The following SLC9A9 variants were observed in gnomAD, a reference collection of about 807,000 sequenced individuals.
SLC9A9 encodes the protein solute carrier family 9 member A9.
A neutral mutation model predicts 77.8 loss-of-function variants in SLC9A9; 62 were observed. The observed-to-expected ratio is 0.80, with a 90% CI of 0.65 to 0.98. SLC9A9 has a LOEUF of 0.98. Among genes scored for constraint, SLC9A9 ranks in the 50% least tolerant of loss-of-function variants. The pLI is 0.00. For missense variants in SLC9A9, 775 were observed against 774.9 expected (o/e 1.00, Z 0.00); for synonymous variants, 320 against 283.5 (o/e 1.13, Z -1.29).
intron 11 of SLC9A9, among the ~76,000 whole-genome samples, chr3:143,484,159 C>T (rs1040406146): frequency 6.6e-6 from 1 of 152,136 alleles, no homozygotes. Context: ...CAGAGGGCTA[C>T]TAAAGTCATT....
In SLC9A9 at chr3:143,324,816, G is replaced by GT. The variant is rs996128904; in HGVS notation, c.1604+38667dup. Among the ~76,000 whole-genome samples, 20 of 152,146 alleles carry GT rather than the reference G, an allele frequency of 1.3e-4. 2 individuals carry two copies. The highest frequency in any genetic ancestry group is 3.4e-3 in the Middle Eastern group (1 of 294). On this transcript the variant is annotated intron_variant, in intron 14 of 15. Transcript: ENST00000316549. Reference sequence around the variant, plus strand: ...CAGCCTGGGCGATAGAGGAAACCCTGTTTTTTAAAAAAACAGTAGCTTATT... The same window carrying GT: ...CAGCCTGGGCGATAGAGGAAACCCTGTTTTTTTAAAAAAACAGTAGCTTATT...
At chr3:143,497,980 T>C (rs1041498986) in intron 9 of SLC9A9, among the ~76,000 whole-genome samples, 6 of 152,182 alleles carry the variant, frequency 3.9e-5, no homozygotes, top group Non-Finnish European at 5.9e-5. Context: ...TATTTGTTAT[T>C]GAGATGTGAT....
In SLC9A9 at chr3:143,271,125, A is replaced by G. The variant is rs528363537; in HGVS notation, c.1605-2145T>C. On this transcript the variant is annotated intron_variant, in intron 14 of 15. Coordinates refer to ENST00000316549, the MANE Select transcript of SLC9A9 (RefSeq NM_173653.4). ...ATTGTGGTTATCAGATCGAAAAAGC[A>G]TAGTGTATACAGAGTTTAGCATATG... is the stretch of plus-strand genomic sequence containing the variant. 1.0e-4 allele frequency among the ~76,000 whole-genome samples: 15 copies of G among 143,606 alleles called. No homozygotes were observed. In the East Asian group the frequency reaches 1.7e-3, roughly 17 times the overall value. 94.2% of individuals were successfully genotyped at this position (143,606 alleles called of 152,430 possible).
intron 14 of SLC9A9, among the ~76,000 whole-genome samples, chr3:143,346,585 C>T (rs1049840423): frequency 2.0e-5 from 3 of 151,996 alleles, no homozygotes; most frequent in Non-Finnish European, 2.9e-5. Flanking sequence ...GTCAGGAGTT[C>T]GAGACCAGCT....
intron 5 of SLC9A9, 132 bp from the exon 6 acceptor site, chr3:143,652,492 C>A (rs781607507): frequency 1.7e-5 from 12 of 727,168 alleles, no homozygotes; most frequent in Non-Finnish European, 2.9e-5. Context: ...TAACACCAGA[C>A]CTTTATTCAA....
At chr3:143,496,476 C>T (rs1447685922) in intron 9 of SLC9A9, among the ~76,000 whole-genome samples, 1 of 152,156 alleles carries the variant, frequency 6.6e-6, no homozygotes, top group East Asian at 1.9e-4. Flanking sequence ...AAATAATGCC[C>T]AATACTGTTC....
chr3:143,610,942 C>T (rs60752479), intron 6 of SLC9A9, among the ~76,000 whole-genome samples: 20,776 of 151,920 alleles, frequency 0.14, 1,536 homozygotes, highest in African/African-American at 0.16. Flanking sequence ...TCAGTCTGGG[C>T]TTTCTACAGA....
intron 12 of SLC9A9, among the ~76,000 whole-genome samples, chr3:143,419,469 T>C (rs570692509): frequency 1.3e-5 from 2 of 152,294 alleles, no homozygotes; most frequent in South Asian, 4.1e-4. Flanking sequence ...AAATATTAAC[T>C]TCCTAGAAAA....
intron 12 of SLC9A9, among the ~76,000 whole-genome samples, chr3:143,442,988 C>T (rs1378871798): frequency 6.6e-6 from 1 of 152,154 alleles, no homozygotes; most frequent in Non-Finnish European, 1.5e-5. Context: ...GTTTCTAGTA[C>T]TTAAGCATGA....
At chr3:143,504,255 C>G (rs187751011) in intron 9 of SLC9A9, 5 of 244,408 alleles carry the variant, frequency 2.0e-5, no homozygotes, top group Non-Finnish European at 2.4e-5. Flanking sequence ...TCATTTACTC[C>G]GGCCTTCACC....
intron 5 of SLC9A9, among the ~76,000 whole-genome samples, chr3:143,657,602 TC>T (rs1282964721): frequency 6.6e-6 from 1 of 152,216 alleles, no homozygotes; most frequent in African/African-American, 2.4e-5. Flanking sequence ...AGTGGAATTT[TC>T]CAGAGGCTAC....
chr3:143,620,232 A>T (rs1370105246), intron 6 of SLC9A9, among the ~76,000 whole-genome samples: 1 of 152,094 alleles, frequency 6.6e-6, no homozygotes, highest in Non-Finnish European at 1.5e-5. Context: ...AAACTCCTCC[A>T]CTTTCTAGCT....
In SLC9A9 at chr3:143,795,091, A is replaced by C. The variant is rs2008340782; in HGVS notation, c.457-14T>G. The C allele has an allele frequency of 3.1e-6, 5 of 1,606,432 alleles. No homozygotes were observed. The East Asian group carries it at 1.1e-4, about 36-fold the overall frequency. Reference sequence around the variant, plus strand: ...AAAAAAGTGTCTCTGGGGAGAAAAAAAGATATTTAATAGAGTACATCAGAA... The same window carrying C: ...AAAAAAGTGTCTCTGGGGAGAAAAACAGATATTTAATAGAGTACATCAGAA... On this transcript the variant is annotated splice_polypyrimidine_tract_variant and intron_variant, in intron 3 of 15. Transcript: ENST00000316549.
intron 12 of SLC9A9, among the ~76,000 whole-genome samples, chr3:143,392,601 C>T (rs975603471): frequency 1.3e-5 from 2 of 152,148 alleles, no homozygotes; most frequent in Admixed American, 6.5e-5. Flanking sequence ...CACATAACAA[C>T]ATTAACCTTA....
At chr3:143,767,204 T>C (rs541083265) in intron 4 of SLC9A9, among the ~76,000 whole-genome samples, 2 of 152,134 alleles carry the variant, frequency 1.3e-5, no homozygotes, top group African/African-American at 4.8e-5. Context: ...CATGTCCAAC[T>C]TCCTGCATGT....
At chr3:143,771,824 T>A (rs1420839084) in intron 4 of SLC9A9, among the ~76,000 whole-genome samples, 1 of 152,112 alleles carries the variant, frequency 6.6e-6, no homozygotes, top group African/African-American at 2.4e-5. Flanking sequence ...GGACTTCACC[T>A]CCTTGTCTCA....
chr3:143,301,392 A>G (rs918074040), intron 14 of SLC9A9, among the ~76,000 whole-genome samples: 1 of 152,236 alleles, frequency 6.6e-6, no homozygotes, highest in Non-Finnish European at 1.5e-5. Context: ...AGAAATCAGC[A>G]AGAGGGCGGA....
chr3:143,351,823 C>T (rs573285835), intron 14 of SLC9A9, among the ~76,000 whole-genome samples: 1 of 152,106 alleles, frequency 6.6e-6, no homozygotes, highest in Non-Finnish European at 1.5e-5. Context: ...ATCATTTTAA[C>T]TTTATGAAGC....
chr3:143,718,240 A>G (rs1039741310), intron 4 of SLC9A9, among the ~76,000 whole-genome samples: 2 of 152,156 alleles, frequency 1.3e-5, no homozygotes, highest in African/African-American at 2.4e-5. Context: ...CCTCTTTGCA[A>G]TCTTTGGATG....
Sources: gnomAD v4.1 joint callset for allele counts (sites outside exome capture counted in the v4.1 genomes callset) on GRCh38, gnomAD v4.1.1 for gene constraint, MANE v1.5 for transcripts, NCBI Gene and HGNC (gene_info 2026-07-23, HGNC 2026-07-21) for gene names.